Variants in LMX1A observed in about 807,000 individuals in gnomAD.
LMX1A encodes LIM homeobox transcription factor 1-alpha.
A neutral mutation model predicts 49.1 loss-of-function variants in LMX1A; 15 were observed. The observed-to-expected ratio is 0.31, with a 90% CI of 0.20 to 0.47. The LOEUF is 0.47. Among genes scored for constraint, LMX1A ranks in the 20% least tolerant of loss-of-function variants. The pLI, the probability that LMX1A is intolerant of heterozygous loss-of-function variation, is 1.00. For synonymous variants in LMX1A, 167 were observed against 185.7 expected, an observed-to-expected ratio of 0.90 and a Z score of 0.82; for missense variants, 372 against 475.8, an observed-to-expected ratio of 0.78 and a Z score of 2.03.
At chr1:165,310,012 G>C (rs1021244248) in intron 3 of LMX1A, among the ~76,000 whole-genome samples, 1 of 152,144 alleles carries the variant, frequency 6.6e-6, no homozygotes, top group Non-Finnish European at 1.5e-5. Context: ...TTTGTTATCC[G>C]ATGCCCTACT....
intron 4 of LMX1A, among the ~76,000 whole-genome samples, chr1:165,248,112 A>C (rs1298112867): frequency 6.6e-6 from 1 of 152,212 alleles, no homozygotes; most frequent in African/African-American, 2.4e-5. Flanking sequence ...CCAGTAGGAG[A>C]AGTTAAGGGT....
intron 3 of LMX1A, among the ~76,000 whole-genome samples, chr1:165,325,809 AC>A (rs1477877633): frequency 6.6e-6 from 1 of 152,064 alleles, no homozygotes; most frequent in African/African-American, 2.4e-5. Flanking sequence ...AATAAACCAG[AC>A]TTCCCAAAGT....
At chr1:165,212,776 T>C (rs1005136149) in intron 5 of LMX1A, 15 of 152,184 alleles carry the variant, frequency 9.9e-5, no homozygotes, top group Admixed American at 2.6e-4. Flanking sequence ...CTATGAGTAA[T>C]TGAATCACTA....
intron 3 of LMX1A, among the ~76,000 whole-genome samples, chr1:165,251,143 C>T (rs1178226415): frequency 2.0e-5 from 3 of 150,036 alleles, no homozygotes; most frequent in Admixed American, 2.0e-4. Context: ...AGTGCAGTGG[C>T]GTGATCTCGG....
intron 3 of LMX1A, among the ~76,000 whole-genome samples, chr1:165,270,848 G>A (rs541890524): frequency 1.5e-3 from 221 of 152,262 alleles, no homozygotes; most frequent in African/African-American, 5.1e-3. Context: ...CTGGGATCCC[G>A]TATCCCAATG....
chr1:165,274,422 G>T (rs1400171611), intron 3 of LMX1A, among the ~76,000 whole-genome samples: 1 of 152,128 alleles, frequency 6.6e-6, no homozygotes, highest in East Asian at 1.9e-4. Flanking sequence ...CATACAGTAG[G>T]TACTTAATAA....
intron 3 of LMX1A, among the ~76,000 whole-genome samples, chr1:165,301,104 C>G (rs1234165460): frequency 6.6e-6 from 1 of 152,196 alleles, no homozygotes; most frequent in Admixed American, 6.5e-5. Flanking sequence ...ACTCTCAGGA[C>G]CGGCTTAACA....
chr1:165,355,452 G>A lies in LMX1A; in HGVS notation c.76+32C>T, dbSNP rs775030789. ...GAGCTCAGCGCCAAGCGGAAAGAGA[G>A]TGCGCCCAGGACGCACGGCCTGAAC... On this transcript the variant is annotated intron_variant, in intron 2 of 8. Coordinates refer to ENST00000342310, the MANE Select transcript of LMX1A (RefSeq NM_177398.4). The surrounding 1 kb of genome is among the most constrained non-coding windows in gnomAD (Gnocchi z 4.7). 3 of 1,609,056 alleles carry A rather than the reference G, an allele frequency of 1.9e-6. No individual in the cohort carries two copies. Among genetic ancestry groups the A allele is most frequent in the Non-Finnish European group, 8.5e-7 (1 of 1,176,180 alleles).
chr1:165,354,611 C>T (rs1297768773), intron 2 of LMX1A, among the ~76,000 whole-genome samples: 1 of 152,194 alleles, frequency 6.6e-6, no homozygotes, highest in Non-Finnish European at 1.5e-5. Context: ...AGATTCCTCA[C>T]TGGATTTGGT....
In LMX1A at chr1:165,202,958, G is replaced by T. The variant is rs188596495; in HGVS notation, c.*922C>A. The T allele has an allele frequency of 5.2e-5, 8 of 152,810 alleles. No individual in the cohort carries two copies. In the East Asian group the frequency reaches 1.5e-3, roughly 29 times the overall value. 9.5% of individuals were successfully genotyped at this position (152,810 alleles called of 1,614,324 possible). ...ATGAATTAAGCCTTGGTGTTTCCCA[G>T]TGAGGTAGGTACATACTATTAGCCT... On this transcript the variant is annotated 3_prime_UTR_variant, in exon 9 of 9. Coordinates refer to ENST00000342310, the MANE Select transcript of LMX1A (RefSeq NM_177398.4).
chr1:165,251,363 A>C (rs1042410800), intron 3 of LMX1A, among the ~76,000 whole-genome samples: 1 of 152,210 alleles, frequency 6.6e-6, no homozygotes, highest in African/African-American at 2.4e-5. Flanking sequence ...GATTATAGGC[A>C]TGAGCCACTG....
intron 3 of LMX1A, among the ~76,000 whole-genome samples, chr1:165,293,618 A>T (rs918970663): frequency 6.6e-6 from 1 of 152,244 alleles, no homozygotes; most frequent in African/African-American, 2.4e-5. Context: ...TGCTATAGCA[A>T]AATGTCGTAG....
chr1:165,353,451 G>A (rs1290132721), intron 2 of LMX1A, among the ~76,000 whole-genome samples, 189 bp from the exon 3 acceptor site: 1 of 152,042 alleles, frequency 6.6e-6, no homozygotes, highest in Non-Finnish European at 1.5e-5. Context: ...TCTAATAAAC[G>A]GAGACTATGT....
chr1:165,327,367 T>C (rs755539528), intron 3 of LMX1A, among the ~76,000 whole-genome samples: 3 of 152,148 alleles, frequency 2.0e-5, no homozygotes, highest in Non-Finnish European at 4.4e-5. Flanking sequence ...ACTACTGCAG[T>C]AGACATGGAC....
intron 4 of LMX1A, among the ~76,000 whole-genome samples, chr1:165,248,569 G>A (rs961300649): frequency 1.3e-5 from 2 of 152,088 alleles, no homozygotes; most frequent in African/African-American, 2.4e-5. Context: ...TCTTAACCTC[G>A]CCTGTCTCCT....
intron 3 of LMX1A, among the ~76,000 whole-genome samples, chr1:165,346,607 A>G (rs1352906820): frequency 1.3e-5 from 2 of 152,208 alleles, no homozygotes; most frequent in Non-Finnish European, 2.9e-5. Context: ...TTGTGACAGG[A>G]CCAAGTATAC....
intron 3 of LMX1A, among the ~76,000 whole-genome samples, chr1:165,249,943 A>G (rs564152635): frequency 4.5e-4 from 69 of 152,252 alleles, no homozygotes; most frequent in Admixed American, 7.8e-4. Context: ...ACATGATTGG[A>G]ACTGGAAGCT....
At chr1:165,212,033 C>T (rs534204801) in intron 5 of LMX1A, among the ~76,000 whole-genome samples, 5 of 152,328 alleles carry the variant, frequency 3.3e-5, no homozygotes, top group Admixed American at 6.5e-5. Flanking sequence ...TGTAATTTGT[C>T]CTAGTGCAAG....
chr1:165,352,872 G>A (rs562089441), intron 3 of LMX1A, among the ~76,000 whole-genome samples: 44 of 152,388 alleles, frequency 2.9e-4, no homozygotes, highest in South Asian at 2.7e-3. Context: ...CGGGACTCGG[G>A]CCACTGCTGC....
Sources: gnomAD v4.1 joint callset for allele counts (sites outside exome capture counted in the v4.1 genomes callset) on GRCh38, gnomAD v4.1.1 for gene constraint, Gnocchi (gnomAD v3.1) non-coding constraint, MANE v1.5 for transcripts, NCBI Gene and HGNC (gene_info 2026-07-23, HGNC 2026-07-21) for gene names.